The following ZC3H12B variants were observed in gnomAD, a reference collection of about 807,000 sequenced individuals.
ZC3H12B encodes probable ribonuclease ZC3H12B.
A neutral mutation model predicts 43.9 loss-of-function variants in ZC3H12B; 7 were observed. The observed-to-expected ratio is 0.16, with a 90% CI of 0.09 to 0.30. The LOEUF (loss-of-function observed/expected upper bound fraction) is 0.30, where lower values mean the gene tolerates loss of function less well. Among genes scored for constraint, ZC3H12B ranks in the 10% least tolerant of loss-of-function variants. ZC3H12B has a pLI of 1.00. For missense variants in ZC3H12B, 475 were observed against 670.2 expected (o/e 0.71, Z 3.22); for synonymous variants, 222 against 241.7 (o/e 0.92, Z 0.76).
chrX:65,107,927 G>A, the ZC3H12B span, among the ~76,000 whole-genome samples: 1 of 111,532 alleles, frequency 9.0e-6, no homozygotes, highest in Admixed American at 9.6e-5. Context: ...GTATAGCCTC[G>A]TGCTCCTAGG....
At chrX:65,207,701 C>T in the ZC3H12B span, among the ~76,000 whole-genome samples, 54 of 91,279 alleles carry the variant, frequency 5.9e-4, no homozygotes, top group African/African-American at 2.2e-3. Context: ...TAGTTTTTTC[C>T]AATTCTGTGA....
chrX:65,107,962 A>C, the ZC3H12B span, among the ~76,000 whole-genome samples: 2 of 111,838 alleles, frequency 1.8e-5, no homozygotes, highest in African/African-American at 6.5e-5. Flanking sequence ...AGCTGTTACT[A>C]TAGTAAATAC....
chrX:65,294,614 C>A, the ZC3H12B span, among the ~76,000 whole-genome samples: 4 of 111,572 alleles, frequency 3.6e-5, no homozygotes, highest in African/African-American at 9.7e-5. Context: ...ACTCACCTAA[C>A]ACATAAGGAC....
At chrX:65,115,403 A>G in the ZC3H12B span, among the ~76,000 whole-genome samples, 1 of 110,587 alleles carries the variant, frequency 9.0e-6, no homozygotes, top group East Asian at 2.8e-4. Context: ...TTTTTTTGCT[A>G]AATACTATTC....
chrX:65,393,602 C>T (rs1018989485), intron 2 of ZC3H12B, among the ~76,000 whole-genome samples: 2 of 111,879 alleles, frequency 1.8e-5, no homozygotes, highest in African/African-American at 3.3e-5. Flanking sequence ...ATGAACTCAT[C>T]CTTTTTATGG....
intron 2 of ZC3H12B, among the ~76,000 whole-genome samples, chrX:65,371,685 C>G (rs2066246971): frequency 8.9e-6 from 1 of 111,884 alleles, no homozygotes; most frequent in South Asian, 3.7e-4. Flanking sequence ...TTTCAGAGCT[C>G]TAGACATTAT....
At chrX:65,127,821 G>A in the ZC3H12B span, among the ~76,000 whole-genome samples, 1 of 110,861 alleles carries the variant, frequency 9.0e-6, no homozygotes, top group South Asian at 3.9e-4. Context: ...GCAGTCACAG[G>A]CCTCACCCCC....
intron 2 of ZC3H12B, among the ~76,000 whole-genome samples, chrX:65,392,330 G>T (rs1268780328): frequency 2.7e-5 from 3 of 111,358 alleles, no homozygotes; most frequent in Non-Finnish European, 5.7e-5. Flanking sequence ...GAGCATCTCT[G>T]CCTGGCCGCC....
chrX:65,119,819 T>C, the ZC3H12B span, among the ~76,000 whole-genome samples: 2 of 112,214 alleles, frequency 1.8e-5, no homozygotes, highest in African/African-American at 6.5e-5. Context: ...GAATTAATTT[T>C]TGTATAAGGT....
chrX:65,357,329 G>A, the ZC3H12B span: 1 of 256,037 alleles, frequency 3.9e-6, no homozygotes, highest in Non-Finnish European at 7.1e-6. Flanking sequence ...TCGGGATTTT[G>A]GGCAGATCCT....
chrX:65,067,867 A>C, the ZC3H12B span, among the ~76,000 whole-genome samples: 1 of 110,852 alleles, frequency 9.0e-6, no homozygotes, highest in Non-Finnish European at 1.9e-5. Flanking sequence ...TGATGTAGGC[A>C]TTGGAACTAT....
chrX:65,203,411 C>T, the ZC3H12B span, among the ~76,000 whole-genome samples: 19 of 111,051 alleles, frequency 1.7e-4, no homozygotes, highest in Admixed American at 1.4e-3. Flanking sequence ...TACTGCTGAT[C>T]GTTCAGGGCC....
the ZC3H12B span, among the ~76,000 whole-genome samples, chrX:65,036,958 A>G: frequency 9.6e-4 from 106 of 110,212 alleles, no homozygotes; most frequent in African/African-American, 3.3e-3. Context: ...ATGCTATCAA[A>G]GCACTTGTTC....
At chrX:65,328,269 C>G in the ZC3H12B span, 1 of 255,818 alleles carries the variant, frequency 3.9e-6, no homozygotes, top group Non-Finnish European at 7.8e-6. Context: ...TAGGTGGGTG[C>G]CCAACATTAA....
chrX:65,137,058 C>T, the ZC3H12B span, among the ~76,000 whole-genome samples: 1 of 111,758 alleles, frequency 8.9e-6, no homozygotes, highest in Non-Finnish European at 1.9e-5. Context: ...AACAACTTTA[C>T]ATTATTTACC....
chrX:65,273,487 G>T, the ZC3H12B span, among the ~76,000 whole-genome samples: 1 of 110,974 alleles, frequency 9.0e-6, no homozygotes, highest in Non-Finnish European at 1.9e-5. Flanking sequence ...TATGCATAAT[G>T]GAGTCCCAGA....
At chrX:65,120,258 A>G in the ZC3H12B span, among the ~76,000 whole-genome samples, 1 of 111,852 alleles carries the variant, frequency 8.9e-6, no homozygotes, top group Non-Finnish European at 1.9e-5. Context: ...TTTTCACGAT[A>G]TTGATTCTTG....
the ZC3H12B span, among the ~76,000 whole-genome samples, chrX:65,071,006 T>C: frequency 1.8e-5 from 2 of 108,999 alleles, no homozygotes; most frequent in Non-Finnish European, 3.8e-5. Context: ...ATTTTTTTGT[T>C]ATTTTTTTTA....
chrX:65,341,232 C>T, the ZC3H12B span, among the ~76,000 whole-genome samples: 1 of 112,042 alleles, frequency 8.9e-6, no homozygotes, highest in South Asian at 3.8e-4. Context: ...TACTATGACT[C>T]ATTGGTGTCT....
Sources: gnomAD v4.1 joint callset for allele counts (sites outside exome capture counted in the v4.1 genomes callset) on GRCh38, gnomAD v4.1.1 for gene constraint, MANE v1.5 for transcripts, NCBI Gene and HGNC (gene_info 2026-07-23, HGNC 2026-07-21) for gene names.